The following SEMA6A variants were observed in gnomAD, a reference collection of about 807,000 sequenced individuals.
The protein encoded by SEMA6A is semaphorin-6A.
In SEMA6A, 25 loss-of-function variants were observed where a neutral mutation model predicts 96.8. The observed-to-expected ratio is 0.26, with a 90% CI of 0.19 to 0.36. The LOEUF is 0.36. Among genes scored for constraint, SEMA6A ranks in the 10% least tolerant of loss-of-function variants. The pLI is 1.00. For missense variants in SEMA6A, 1,363 were observed against 1,323.1 expected, an observed-to-expected ratio of 1.03 and a Z score of -0.47; for synonymous variants, 612 against 518.0, an observed-to-expected ratio of 1.18 and a Z score of -2.46.
At chr5:116,553,439 G>C (rs1168151991) in intron 1 of SEMA6A, among the ~76,000 whole-genome samples, 1 of 152,168 alleles carries the variant, frequency 6.6e-6, no homozygotes, top group Non-Finnish European at 1.5e-5. Context: ...CTTGCAAAAG[G>C]GGGAGAGCAG....
At chr5:116,571,589 G>A (rs1761215868) in intron 1 of SEMA6A, among the ~76,000 whole-genome samples, 1 of 152,106 alleles carries the variant, frequency 6.6e-6, no homozygotes, top group Admixed American at 6.6e-5. Flanking sequence ...ATAACAGGGA[G>A]TAAGGGTTAC....
chr5:116,487,028 GA>G (rs893377617), intron 9 of SEMA6A, 62 bp from the exon 10 acceptor site: 2 of 1,173,900 alleles, frequency 1.7e-6, no homozygotes, highest in Non-Finnish European at 2.5e-6. Flanking sequence ...GATCTTAGTA[GA>G]ATCTGCATTC....
At chr5:116,477,548 A>T (rs1756515902) in intron 15 of SEMA6A, among the ~76,000 whole-genome samples, 1 of 152,190 alleles carries the variant, frequency 6.6e-6, no homozygotes, top group Non-Finnish European at 1.5e-5. Flanking sequence ...TTCTCCCACC[A>T]TGATGATCAA....
chr5:116,486,672 G>T, intron 10 of SEMA6A, 77 bp downstream of exon 10: 1 of 1,201,936 alleles, frequency 8.3e-7, no homozygotes, highest in South Asian at 1.3e-5. Flanking sequence ...TGCAAATATG[G>T]TTTATTAGAA....
intron 2 of SEMA6A, among the ~76,000 whole-genome samples, chr5:116,503,212 A>G (rs775081781): frequency 1.3e-5 from 2 of 152,094 alleles, no homozygotes; most frequent in Non-Finnish European, 2.9e-5. Flanking sequence ...TGTTTTCTGG[A>G]GAGGGGTGGG....
At chr5:116,462,374 C>A (rs1755465368) in intron 18 of SEMA6A, among the ~76,000 whole-genome samples, 1 of 152,048 alleles carries the variant, frequency 6.6e-6, no homozygotes, top group Non-Finnish European at 1.5e-5. Flanking sequence ...GCACAAGAGT[C>A]CTTCTGGATA....
chr5:116,527,319 T>C (rs1759273216), intron 1 of SEMA6A, among the ~76,000 whole-genome samples: 1 of 152,152 alleles, frequency 6.6e-6, no homozygotes, highest in South Asian at 2.1e-4. Context: ...TTTCAAAATG[T>C]TGGAAAAAGA....
chr5:116,485,471 G>C (rs1207131309), intron 10 of SEMA6A, among the ~76,000 whole-genome samples: 1 of 152,288 alleles, frequency 6.6e-6, no homozygotes, highest in Admixed American at 6.5e-5. Context: ...AATCCCTACA[G>C]ATGTTTAAAG....
chr5:116,562,589 G>A (rs1760860628), intron 1 of SEMA6A: 8 of 663,696 alleles, frequency 1.2e-5, no homozygotes, highest in Middle Eastern at 5.4e-4. Context: ...GAAGGAAAAG[G>A]AAGAACAGGT....
rs551283316 is a variant in SEMA6A, at chr5:116,536,770, C to G, written c.-38-31788G>C. On this transcript the variant is annotated intron_variant, in intron 1 of 18. Coordinates refer to ENST00000343348, the MANE Select transcript of SEMA6A (RefSeq NM_020796.5). ...TGTTCTCTTCAGGTACTGCATTGTC[C>G]GCGGGAGATGTTCTCAGCAGTCAAG... Among the ~76,000 whole-genome samples, 6 of 145,418 alleles carry G rather than the reference C, an allele frequency of 4.1e-5. No individual in the cohort carries two copies. In the East Asian group the frequency reaches 1.2e-3, roughly 29 times the overall value.
chr5:116,469,493 G>C (rs1755978254), intron 17 of SEMA6A: 1 of 151,754 alleles, frequency 6.6e-6, no homozygotes. Flanking sequence ...TAAAATATAT[G>C]GTCAGCCTAA....
intron 18 of SEMA6A, among the ~76,000 whole-genome samples, chr5:116,467,290 G>A (rs1755817803): frequency 7.1e-6 from 1 of 140,582 alleles, no homozygotes; most frequent in Admixed American, 7.1e-5. Flanking sequence ...TAAGAAGAGT[G>A]GCAAGGGATG....
chr5:116,478,358 AAAC>A, intron 13 of SEMA6A, 181 bp downstream of exon 13: 1 of 777,412 alleles, frequency 1.3e-6, no homozygotes, highest in Non-Finnish European at 2.0e-6. Flanking sequence ...GTATCTATAT[AAAC>A]ACACACACAC....
At chr5:116,557,931 C>T (rs890371240) in intron 1 of SEMA6A, among the ~76,000 whole-genome samples, 4 of 152,246 alleles carry the variant, frequency 2.6e-5, no homozygotes, top group East Asian at 1.9e-4. Context: ...TAATGTGGCA[C>T]GTAATAGATA....
intron 18 of SEMA6A, among the ~76,000 whole-genome samples, chr5:116,465,376 TA>T (rs1213252576): frequency 6.6e-6 from 1 of 152,202 alleles, no homozygotes; most frequent in Non-Finnish European, 1.5e-5. Flanking sequence ...ATTAAAATCA[TA>T]AAAACTATGA....
intron 18 of SEMA6A, among the ~76,000 whole-genome samples, chr5:116,465,883 T>C (rs1228372561): frequency 6.6e-6 from 1 of 152,140 alleles, no homozygotes; most frequent in Non-Finnish European, 1.5e-5. Flanking sequence ...TTTTCTCTTC[T>C]TGAGAATACA....
chr5:116,556,393 CA>C (rs1043575985), intron 1 of SEMA6A, among the ~76,000 whole-genome samples: 12 of 152,256 alleles, frequency 7.9e-5, no homozygotes, highest in African/African-American at 2.9e-4. Context: ...CTGCTGGTGA[CA>C]AAAACATTGA....
intron 8 of SEMA6A, 138 bp downstream of exon 8, chr5:116,488,750 G>C (rs762867311): frequency 9.4e-5 from 104 of 1,104,740 alleles, no homozygotes; most frequent in Middle Eastern, 2.1e-4. Context: ...TGAAGCCAAA[G>C]ATGCAATTTA....
chr5:116,467,401 G>A (rs1362796524), intron 18 of SEMA6A, among the ~76,000 whole-genome samples, 182 bp downstream of exon 18: 2 of 152,152 alleles, frequency 1.3e-5, no homozygotes, highest in Admixed American at 1.3e-4. Context: ...CTTGGTCAGA[G>A]AATAATTTAG....
Sources: allele counts gnomAD v4.1 joint callset (sites outside exome capture counted in the v4.1 genomes callset), GRCh38; gene constraint gnomAD v4.1.1; transcripts MANE v1.5; gene names NCBI Gene and HGNC (gene_info 2026-07-23, HGNC 2026-07-21).